Variants in CMIP observed in about 807,000 individuals in gnomAD.
CMIP encodes the protein C-Maf-inducing protein.
In CMIP, 13 loss-of-function variants were observed where a neutral mutation model predicts 97.3. The ratio of observed to expected loss-of-function variants is 0.13; its 90% CI spans 0.09 to 0.21. The LOEUF is 0.21. CMIP is among the 10% of genes least tolerant of loss of function. The probability of loss-of-function intolerance (pLI) is 1.00; values close to 1 mark genes in which losing one functional copy is unlikely to be tolerated. For synonymous variants in CMIP, 538 were observed against 436.3 expected (o/e 1.23, Z -2.91); for missense variants, 847 against 1,024.9 (o/e 0.83, Z 2.37).
intron 1 of CMIP, among the ~76,000 whole-genome samples, chr16:81,559,290 C>A (rs2090830382): frequency 6.6e-6 from 1 of 152,290 alleles, no homozygotes; most frequent in East Asian, 1.9e-4. Flanking sequence ...TGAAGGTGAA[C>A]ATTTATTATG....
intron 20 of CMIP, 43 bp from the exon 21 acceptor site, chr16:81,709,703 G>A (rs1045766712): frequency 1.9e-5 from 31 of 1,610,320 alleles, no homozygotes; most frequent in Non-Finnish European, 2.6e-5. Context: ...CTTCTGCAAG[G>A]GAATGGCCTA....
chr16:81,541,430 C>G (rs983128544), intron 1 of CMIP, among the ~76,000 whole-genome samples: 5 of 152,122 alleles, frequency 3.3e-5, no homozygotes, highest in African/African-American at 1.2e-4. Flanking sequence ...TTTCATAGGC[C>G]CAGCCAGTCT....
chr16:81,469,892 A>G (rs1907420200), intron 1 of CMIP, among the ~76,000 whole-genome samples: 1 of 152,122 alleles, frequency 6.6e-6, no homozygotes. Context: ...GGGAGGGATG[A>G]GGAGGGCCTT....
In CMIP at chr16:81,603,220, C is replaced by G. The variant is rs563989304; in HGVS notation, c.301-4347C>G. 1.2e-4 allele frequency among the ~76,000 whole-genome samples: 19 copies of G among 152,270 alleles called. No homozygotes were observed. The East Asian group carries it at 3.5e-3, about 28-fold the overall frequency. On this transcript the variant is annotated intron_variant, in intron 1 of 20. Coordinates refer to ENST00000537098, the MANE Select transcript of CMIP (RefSeq NM_198390.3). ...TCAGCCTCTCGAGTAGCTGGGACTA[C>G]AGGCACCCGCCACCACGCCTGGCTC...
intron 1 of CMIP, among the ~76,000 whole-genome samples, chr16:81,562,782 T>C (rs1421573672): frequency 6.7e-6 from 1 of 148,874 alleles, no homozygotes; most frequent in Non-Finnish European, 1.5e-5. Flanking sequence ...GACGTAAATA[T>C]TTTTTTTCAT....
chr16:81,629,118 A>G (rs1178216069), intron 3 of CMIP, among the ~76,000 whole-genome samples: 1 of 126,932 alleles, frequency 7.9e-6, no homozygotes, highest in Non-Finnish European at 1.6e-5. Context: ...CCTGGGTGAC[A>G]GAGTGAAACT....
At position 81,678,429 on chromosome 16, in the gene CMIP, G is replaced by A. The variant is rs752863431; in HGVS notation, c.1189G>A (p.Val397Met). ...LSEARLKSVV[V>M]ASSEIHVEVE... ...TGAGGCCCGGCTCAAGTCGGTGGTC[G>A]TGGCCTCCAGTGAGATCCACGTGGA... Residue 397 changes from valine to methionine, a missense_variant, in exon 10 of 21, where the codon GTG becomes ATG. Physicochemically the swap from Val to Met is conservative, Grantham distance 21 (BLOSUM62 1). This residue lies in a region of CMIP where 202 missense variants were observed against 168.7 expected (regional missense o/e 1.20). Coordinates refer to ENST00000537098, the MANE Select transcript of CMIP (RefSeq NM_198390.3). 3.8e-6 allele frequency: 6 copies of A among 1,590,332 alleles called. No individual in the cohort carries two copies. The highest frequency in any genetic ancestry group is 2.3e-5 in the South Asian group (2 of 87,674).
At chr16:81,686,322 A>G (rs1905380701) in intron 10 of CMIP, among the ~76,000 whole-genome samples, 1 of 152,182 alleles carries the variant, frequency 6.6e-6, no homozygotes, top group African/African-American at 2.4e-5. Flanking sequence ...GGGGGCATAA[A>G]GGGGTCTCCA....
At chr16:81,561,456 A>T (rs771685637) in intron 1 of CMIP, among the ~76,000 whole-genome samples, 1 of 152,182 alleles carries the variant, frequency 6.6e-6, no homozygotes, top group East Asian at 1.9e-4. Flanking sequence ...AGGTAGGCAC[A>T]GTATGTGCAG....
chr16:81,696,231 T>C, intron 13 of CMIP: 2 of 403,928 alleles, frequency 5.0e-6, no homozygotes, highest in South Asian at 5.1e-5. Context: ...AAGGGGCTGA[T>C]TGTGGGCGGT....
chr16:81,593,100 T>C (rs1251164013), intron 1 of CMIP, among the ~76,000 whole-genome samples: 2 of 152,038 alleles, frequency 1.3e-5, no homozygotes, highest in Admixed American at 1.3e-4. Context: ...CCTTGAGCCA[T>C]GTGGCCATAA....
At chr16:81,480,757 C>G (rs1054440605) in intron 1 of CMIP, among the ~76,000 whole-genome samples, 1 of 152,196 alleles carries the variant, frequency 6.6e-6, no homozygotes, top group African/African-American at 2.4e-5. Flanking sequence ...ACCTTTACAG[C>G]CACCTTGTGC....
At chr16:81,683,320 AAG>A (rs886430430) in intron 10 of CMIP, among the ~76,000 whole-genome samples, 9 of 152,262 alleles carry the variant, frequency 5.9e-5, no homozygotes, top group Non-Finnish European at 1.2e-4. Context: ...ATTAGATTTT[AAG>A]AGGCCTTGGT....
At chr16:81,689,184 G>A (rs1905768881) in intron 10 of CMIP, among the ~76,000 whole-genome samples, 1 of 152,170 alleles carries the variant, frequency 6.6e-6, no homozygotes, top group South Asian at 2.1e-4. Flanking sequence ...GTAATGGGAT[G>A]GCTGGGTCAA....
chr16:81,639,335 C>T (rs756728520), intron 3 of CMIP, among the ~76,000 whole-genome samples: 4 of 152,196 alleles, frequency 2.6e-5, no homozygotes, highest in East Asian at 1.9e-4. Flanking sequence ...GGTTCATTCA[C>T]GTTGCCGTGC....
intron 1 of CMIP, among the ~76,000 whole-genome samples, chr16:81,490,623 C>T (rs1291754289): frequency 2.6e-5 from 4 of 152,086 alleles, no homozygotes; most frequent in Admixed American, 6.5e-5. Context: ...GTCTCAAAAA[C>T]GAAAAACCAA....
At chr16:81,509,856 T>TTCC (rs1325894692) in intron 1 of CMIP, among the ~76,000 whole-genome samples, 1 of 152,158 alleles carries the variant, frequency 6.6e-6, no homozygotes, top group Admixed American at 6.5e-5. Flanking sequence ...ACAGGTGAGT[T>TTCC]TCCTGGTGGG....
At chr16:81,517,528 G>A (rs112702887) in intron 1 of CMIP, among the ~76,000 whole-genome samples, 86 of 152,344 alleles carry the variant, frequency 5.6e-4, no homozygotes, top group African/African-American at 1.9e-3. Context: ...CCTCTGGCAA[G>A]AGAGTGGGCT....
chr16:81,454,380 A>G (rs778192814), intron 1 of CMIP, among the ~76,000 whole-genome samples: 4 of 152,232 alleles, frequency 2.6e-5, no homozygotes, highest in Non-Finnish European at 5.9e-5. Flanking sequence ...GTGTGGGTCC[A>G]TCAATGTATA....
Sources: allele counts gnomAD v4.1 joint callset (sites outside exome capture counted in the v4.1 genomes callset), GRCh38; gene constraint gnomAD v4.1.1; regional missense constraint gnomAD v4.1.1; transcripts MANE v1.5; gene names NCBI Gene and HGNC (gene_info 2026-07-23, HGNC 2026-07-21).